RBFOX1: variants seen among roughly 807,000 people sequenced by gnomAD.
RBFOX1 encodes RNA binding protein fox-1 homolog 1.
A neutral mutation model predicts 57.7 loss-of-function variants in RBFOX1; 8 were observed. That is an observed-to-expected ratio of 0.14 (90% confidence interval 0.08 to 0.25). The LOEUF is 0.25. Among genes scored for constraint, RBFOX1 ranks in the 10% least tolerant of loss-of-function variants. The pLI, the probability that RBFOX1 is intolerant of heterozygous loss-of-function variation, is 1.00. For synonymous variants in RBFOX1, 326 were observed against 222.4 expected, an observed-to-expected ratio of 1.47 and a Z score of -4.15; for missense variants, 611 against 548.5, an observed-to-expected ratio of 1.11 and a Z score of -1.14.
intron 3 of RBFOX1, among the ~76,000 whole-genome samples, chr16:5,612,182 C>G (rs546366677): frequency 6.2e-5 from 9 of 145,146 alleles, no homozygotes; most frequent in Non-Finnish European, 1.4e-4. Flanking sequence ...CATTCTCCCA[C>G]CCATCCATTC....
intron 3 of RBFOX1, among the ~76,000 whole-genome samples, chr16:5,798,557 G>T (rs1373212508): frequency 6.6e-6 from 1 of 152,062 alleles, no homozygotes; most frequent in South Asian, 2.1e-4. Flanking sequence ...CAGGGCAGAG[G>T]GCATCTGCGC....
chr16:5,817,755 C>T (rs1346921694), intron 3 of RBFOX1, among the ~76,000 whole-genome samples: 4 of 148,370 alleles, frequency 2.7e-5, no homozygotes, highest in African/African-American at 7.6e-5. Flanking sequence ...AGTACAGTGG[C>T]GCAGTCTGGG....
At chr16:5,884,789 G>C (rs1304471463) in intron 4 of RBFOX1, among the ~76,000 whole-genome samples, 1 of 152,086 alleles carries the variant, frequency 6.6e-6, no homozygotes, top group Non-Finnish European at 1.5e-5. Context: ...TGGTGTAGTT[G>C]ATGAGTGAGG....
chr16:6,753,427 C>G (rs1407381157), intron 3 of RBFOX1, among the ~76,000 whole-genome samples: 1 of 152,130 alleles, frequency 6.6e-6, no homozygotes, highest in South Asian at 2.1e-4. Context: ...AATATCTATT[C>G]TTTTATTTAG....
In RBFOX1 at chr16:7,314,859, A is replaced by C. The variant is rs753910833; in HGVS notation, c.28-203288A>C. 6.6e-5 allele frequency among the ~76,000 whole-genome samples: 10 copies of C among 152,186 alleles called. No homozygotes were observed. The South Asian group carries it at 1.5e-3, about 22-fold the overall frequency. ...GCCTTTTAAAAATGATTCTTTTTCA[A>C]TTTTTCACTGAAAAAGAATGCAGCT... On this transcript the variant is annotated intron_variant, in intron 4 of 15. Transcript: ENST00000550418.
chr16:5,398,483 C>G (rs1207968278), intron 1 of RBFOX1, among the ~76,000 whole-genome samples: 1 of 151,034 alleles, frequency 6.6e-6, no homozygotes, highest in Non-Finnish European at 1.5e-5. Context: ...ATTGCAGGCA[C>G]TTGTGCTTGT....
intron 2 of RBFOX1, among the ~76,000 whole-genome samples, chr16:6,578,350 G>T (rs1306186758): frequency 1.3e-5 from 2 of 152,148 alleles, no homozygotes; most frequent in Admixed American, 6.6e-5. Context: ...AATGTCCCCG[G>T]GACACAGCAG....
intron 4 of RBFOX1, among the ~76,000 whole-genome samples, chr16:7,169,458 C>A (rs897820366): frequency 5.3e-5 from 8 of 152,174 alleles, no homozygotes; most frequent in African/African-American, 1.9e-4. Flanking sequence ...CTGCTAGATT[C>A]AGTAGCACCT....
chr16:6,599,445 TAAG>T (rs1007130898), intron 2 of RBFOX1, among the ~76,000 whole-genome samples: 57 of 152,120 alleles, frequency 3.7e-4, no homozygotes, highest in African/African-American at 1.4e-3. Context: ...TTTGCTGAAA[TAAG>T]AATAACAAGG....
At chr16:6,058,123 T>C (rs555048982) in intron 1 of RBFOX1, among the ~76,000 whole-genome samples, 2 of 152,290 alleles carry the variant, frequency 1.3e-5, no homozygotes, top group African/African-American at 4.8e-5. Flanking sequence ...GTAGAGTTTT[T>C]GAGCACGTGA....
At chr16:7,057,468 T>A (rs779801454) in intron 4 of RBFOX1, among the ~76,000 whole-genome samples, 2 of 152,176 alleles carry the variant, frequency 1.3e-5, no homozygotes, top group Non-Finnish European at 2.9e-5. Context: ...TATGCACACA[T>A]CACACCTTCT....
chr16:6,755,514 A>T (rs1027718660), intron 3 of RBFOX1, among the ~76,000 whole-genome samples: 13 of 152,206 alleles, frequency 8.5e-5, no homozygotes, highest in Admixed American at 2.6e-4. Context: ...TTTTAATGCC[A>T]AGATAACCCG....
At chr16:7,103,090 ACT>A (rs1447426707) in intron 4 of RBFOX1, among the ~76,000 whole-genome samples, 3 of 151,264 alleles carry the variant, frequency 2.0e-5, no homozygotes, top group African/African-American at 7.3e-5. Flanking sequence ...AAAATGCAAC[ACT>A]CTGTTTCTGA....
chr16:5,757,383 C>T (rs370752169), intron 3 of RBFOX1, among the ~76,000 whole-genome samples: 2 of 151,992 alleles, frequency 1.3e-5, no homozygotes, highest in African/African-American at 2.4e-5. Flanking sequence ...ATGCCCATGC[C>T]ACCACACCCA....
intron 2 of RBFOX1, among the ~76,000 whole-genome samples, chr16:6,542,028 C>T (rs781040647): frequency 2.0e-5 from 3 of 151,812 alleles, no homozygotes; most frequent in Non-Finnish European, 2.9e-5. Context: ...CTCACTGCAG[C>T]CTCAAACCTC....
intron 2 of RBFOX1, among the ~76,000 whole-genome samples, chr16:6,458,926 C>G (rs1286920399): frequency 2.0e-5 from 3 of 152,190 alleles, no homozygotes; most frequent in African/African-American, 7.2e-5. Flanking sequence ...CTCCACAAAA[C>G]TGGTGATTAG....
At chr16:6,968,409 C>T (rs543066422) in intron 3 of RBFOX1, among the ~76,000 whole-genome samples, 30 of 151,844 alleles carry the variant, frequency 2.0e-4, no homozygotes, top group African/African-American at 6.5e-4. Flanking sequence ...GTCTTTTTTT[C>T]CTGGTCTCAT....
chr16:7,276,895 A>C (rs1218266270), intron 4 of RBFOX1, among the ~76,000 whole-genome samples: 1 of 152,228 alleles, frequency 6.6e-6, no homozygotes, highest in African/African-American at 2.4e-5. Context: ...GTGGAATCTC[A>C]AATGTTTAGT....
At chr16:7,257,022 T>C (rs2094715883) in intron 4 of RBFOX1, among the ~76,000 whole-genome samples, 2 of 152,122 alleles carry the variant, frequency 1.3e-5, no homozygotes, top group South Asian at 2.1e-4. Flanking sequence ...CCCCCTCTGA[T>C]CCGACCCTCC....
Sources: gnomAD v4.1 joint callset for allele counts (sites outside exome capture counted in the v4.1 genomes callset) on GRCh38, gnomAD v4.1.1 for gene constraint, MANE v1.5 for transcripts, NCBI Gene and HGNC (gene_info 2026-07-23, HGNC 2026-07-21) for gene names.